Variants in CTNNA2 observed in about 807,000 individuals in gnomAD.
CTNNA2 encodes the protein catenin alpha 2.
CTNNA2 carries 42 observed loss-of-function variants against 101.0 expected under a neutral mutation model. The ratio of observed to expected loss-of-function variants is 0.42; its 90% CI spans 0.32 to 0.54. The LOEUF is 0.54. Ranked by LOEUF, CTNNA2 falls within the 20% of genes least tolerant of loss-of-function variation. CTNNA2 has a pLI of 0.14. For missense variants in CTNNA2, 871 were observed against 1,223.1 expected, an observed-to-expected ratio of 0.71 and a Z score of 4.29; for synonymous variants, 450 against 456.4, an observed-to-expected ratio of 0.99 and a Z score of 0.18.
At chr2:79,885,371 A>G (rs150560065) in intron 6 of CTNNA2, among the ~76,000 whole-genome samples, 150 of 152,272 alleles carry the variant, frequency 9.9e-4, no homozygotes, top group East Asian at 4.4e-3. Flanking sequence ...AATCAGACAG[A>G]TACTGCTGTG....
intron 1 of CTNNA2, among the ~76,000 whole-genome samples, chr2:79,583,682 G>A (rs554287221): frequency 1.3e-5 from 2 of 152,178 alleles, no homozygotes; most frequent in African/African-American, 2.4e-5. Flanking sequence ...ATCTTTGCCA[G>A]TACTTGTTAT....
At chr2:79,800,741 C>T (rs1317609857) in intron 3 of CTNNA2, among the ~76,000 whole-genome samples, 1 of 152,140 alleles carries the variant, frequency 6.6e-6, no homozygotes, top group African/African-American at 2.4e-5. Flanking sequence ...GTTGAGTAAT[C>T]TGTACGTTTT....
chr2:79,480,105 G>C (rs1671093369), intron 4 of CTNNA2, among the ~76,000 whole-genome samples: 3 of 152,084 alleles, frequency 2.0e-5, no homozygotes, highest in Admixed American at 6.6e-5. Context: ...GGTCACCTGG[G>C]AAAGAGGAGG....
chr2:79,331,294 G>T (rs1676866578), intron 3 of CTNNA2, among the ~76,000 whole-genome samples: 1 of 152,064 alleles, frequency 6.6e-6, no homozygotes, highest in Admixed American at 6.5e-5. Flanking sequence ...CTCTTGTGGA[G>T]TCCTCCATTA....
chr2:79,351,610 C>G (rs926361631), intron 3 of CTNNA2, among the ~76,000 whole-genome samples: 7 of 151,936 alleles, frequency 4.6e-5, no homozygotes, highest in Non-Finnish European at 1.0e-4. Flanking sequence ...CTCTTTTATT[C>G]CCCAGCATCT....
chr2:79,580,854 T>TA (rs1163698052), intron 1 of CTNNA2, among the ~76,000 whole-genome samples: 2 of 152,176 alleles, frequency 1.3e-5, no homozygotes, highest in Non-Finnish European at 2.9e-5. Context: ...GCTACTGGTA[T>TA]ATATGCATGA....
At chr2:79,522,645 A>G (rs1181427245) in intron 1 of CTNNA2, among the ~76,000 whole-genome samples, 2 of 152,218 alleles carry the variant, frequency 1.3e-5, no homozygotes, top group Non-Finnish European at 2.9e-5. Flanking sequence ...GAACTGGGAC[A>G]GGGCTGGCCT....
chr2:80,593,905 C>A (rs996714554), intron 15 of CTNNA2, among the ~76,000 whole-genome samples: 1 of 152,136 alleles, frequency 6.6e-6, no homozygotes, highest in African/African-American at 2.4e-5. Flanking sequence ...GTTGCTTCCA[C>A]CTTTTGGCTA....
chr2:80,190,881 G>A lies in CTNNA2; in HGVS notation c.1057-202330G>A, dbSNP rs555333506. On this transcript the variant is annotated intron_variant, in intron 7 of 18. Coordinates refer to ENST00000402739, the MANE Select transcript of CTNNA2 (RefSeq NM_001282597.3). ...ATGTCCATCTCTGAGGCAGCTGGCT[G>A]TTCAGTCGTTGCTGTTGATTATTCT... 4.6e-5 allele frequency among the ~76,000 whole-genome samples: 7 copies of A among 152,298 alleles called. No homozygotes were observed. The South Asian group carries it at 1.4e-3, about 32-fold the overall frequency.
intron 2 of CTNNA2, among the ~76,000 whole-genome samples, chr2:79,256,584 C>T (rs1674847006): frequency 6.6e-6 from 1 of 152,156 alleles, no homozygotes; most frequent in Admixed American, 6.5e-5. Context: ...GTTTTGAATG[C>T]ACACGTTATG....
chr2:79,268,077 T>C (rs1296576838), intron 2 of CTNNA2, among the ~76,000 whole-genome samples: 2 of 152,116 alleles, frequency 1.3e-5, no homozygotes, highest in Non-Finnish European at 2.9e-5. Context: ...GAGCCAGTGA[T>C]ATTGAGAAGC....
chr2:79,202,237 C>T (rs1674044989), intron 2 of CTNNA2, among the ~76,000 whole-genome samples: 1 of 152,114 alleles, frequency 6.6e-6, no homozygotes, highest in South Asian at 2.1e-4. Flanking sequence ...TGATTTTCTT[C>T]TTTAGCTTGG....
At chr2:80,162,578 C>A in intron 7 of CTNNA2, 1 of 1,610,176 alleles carries the variant, frequency 6.2e-7, no homozygotes, top group Non-Finnish European at 8.5e-7. Context: ...GATGGTCAGA[C>A]CCATGATCAG....
chr2:79,399,457 C>A (rs1404899109), intron 4 of CTNNA2, among the ~76,000 whole-genome samples: 6 of 152,214 alleles, frequency 3.9e-5, no homozygotes, highest in Non-Finnish European at 8.8e-5. Flanking sequence ...ATGTACCCAA[C>A]ACATATTGGT....
chr2:80,296,401 G>T lies in CTNNA2; in HGVS notation c.1057-96810G>T, dbSNP rs554498606. Among the ~76,000 whole-genome samples, 13 of 152,086 alleles carry T rather than the reference G, an allele frequency of 8.5e-5. No individual in the cohort carries two copies. The East Asian group carries it at 2.1e-3, about 25-fold the overall frequency. On this transcript the variant is annotated intron_variant, in intron 7 of 18. Coordinates refer to ENST00000402739, the MANE Select transcript of CTNNA2 (RefSeq NM_001282597.3). ...TTTTTTTTCCTGTTTCCTAAATGAGGTATTGCTAAAGAAAAAGTGGGTCAA... is the reference window on the plus strand; with the variant it reads ...TTTTTTTTCCTGTTTCCTAAATGAGTTATTGCTAAAGAAAAAGTGGGTCAA...
At chr2:80,370,566 G>A (rs1013977083) in intron 7 of CTNNA2, among the ~76,000 whole-genome samples, 1 of 152,026 alleles carries the variant, frequency 6.6e-6, no homozygotes, top group East Asian at 1.9e-4. Flanking sequence ...CTTAACTATC[G>A]AGGAGAAAAA....
intron 7 of CTNNA2, among the ~76,000 whole-genome samples, chr2:79,974,438 G>C (rs1352865078): frequency 6.6e-6 from 1 of 152,108 alleles, no homozygotes; most frequent in Non-Finnish European, 1.5e-5. Flanking sequence ...TTGACCATAA[G>C]GCTGGACATT....
At chr2:80,597,876 G>T (rs574446863) in intron 15 of CTNNA2, among the ~76,000 whole-genome samples, 1 of 152,284 alleles carries the variant, frequency 6.6e-6, no homozygotes, top group African/African-American at 2.4e-5. Flanking sequence ...TGGTGGGAGT[G>T]TAAATTAGTT....
At chr2:80,180,945 C>A (rs1429525644) in intron 7 of CTNNA2, among the ~76,000 whole-genome samples, 1 of 152,172 alleles carries the variant, frequency 6.6e-6, no homozygotes, top group Non-Finnish European at 1.5e-5. Flanking sequence ...GCTTAGTGGA[C>A]CCAAATCAAT....
Sources: gnomAD v4.1 joint callset for allele counts (sites outside exome capture counted in the v4.1 genomes callset) on GRCh38, gnomAD v4.1.1 for gene constraint, MANE v1.5 for transcripts, NCBI Gene and HGNC (gene_info 2026-07-23, HGNC 2026-07-21) for gene names.